Variants in MAP3K9 observed in about 807,000 individuals in gnomAD.
The protein encoded by MAP3K9 is mixed lineage kinase 1 (tyr and ser/thr specificity).
MAP3K9 carries 46 observed loss-of-function variants against 95.8 expected under a neutral mutation model. The observed-to-expected ratio is 0.48, with a 90% CI of 0.38 to 0.61. The LOEUF (loss-of-function observed/expected upper bound fraction) is 0.61. MAP3K9 is among the 20% of genes least tolerant of loss of function. The probability of loss-of-function intolerance (pLI) is 0.00; values close to 1 mark genes in which losing one functional copy is unlikely to be tolerated. For missense variants in MAP3K9, 1,296 were observed against 1,474.3 expected (o/e 0.88, Z 1.98); for synonymous variants, 533 against 593.8 (o/e 0.90, Z 1.49).
chr14:70,807,943 A>G (rs2055008404), intron 1 of MAP3K9, among the ~76,000 whole-genome samples: 1 of 152,212 alleles, frequency 6.6e-6, no homozygotes, highest in Non-Finnish European at 1.5e-5. Flanking sequence ...TCCCCCTGAG[A>G]TTTGACCAGT....
intron 2 of MAP3K9, chr14:70,765,496 A>C (rs180983567): frequency 1.5e-6 from 1 of 685,590 alleles, no homozygotes; most frequent in Non-Finnish European, 2.6e-6. Flanking sequence ...TTCTGTAAAG[A>C]AGTACCATTT....
chr14:70,740,483 T>C (rs1047063461), intron 6 of MAP3K9, among the ~76,000 whole-genome samples: 1 of 152,236 alleles, frequency 6.6e-6, no homozygotes, highest in African/African-American at 2.4e-5. Flanking sequence ...TGTTGTTGAT[T>C]ATTCTAGGAA....
chr14:70,758,015 A>T (rs368878630), intron 3 of MAP3K9, among the ~76,000 whole-genome samples: 53 of 152,308 alleles, frequency 3.5e-4, no homozygotes, highest in African/African-American at 1.3e-3. Context: ...TAGATATGAC[A>T]CCAAAAGCAC....
At chr14:70,750,363 C>T (rs2139755182) in intron 3 of MAP3K9, among the ~76,000 whole-genome samples, 1 of 152,360 alleles carries the variant, frequency 6.6e-6, no homozygotes, top group Non-Finnish European at 1.5e-5. Context: ...AATTCCTCAT[C>T]TGTAATGCAC....
In MAP3K9 at chr14:70,733,148, G is replaced by A. The variant is rs145221753; in HGVS notation, c.2221C>T (p.Arg741Trp). ...CAGCGGCGGTGGTGGGCACCGCCCC[G>A]CTTGAGGCTGTTGGTTGGCGTCAGC... ...PQLTPTNSLK[R>W]GGAHHRRCEV... The change falls in exon 11 of 12, where the codon CGG (arginine) becomes TGG (tryptophan). Residue 741 changes from arginine (R) to tryptophan (W), a missense_variant. By Grantham distance (101) the Arg-to-Trp change is moderately radical. Transcript: ENST00000554752. 159 of 1,612,894 alleles carry A rather than the reference G, an allele frequency of 9.9e-5. No individual in the cohort carries two copies. The highest frequency in any genetic ancestry group is 3.6e-4 in the African/African-American group (27 of 75,006).
intron 5 of MAP3K9, among the ~76,000 whole-genome samples, chr14:70,746,458 A>T (rs936079470): frequency 1.3e-5 from 2 of 152,230 alleles, no homozygotes; most frequent in East Asian, 3.8e-4. Flanking sequence ...GTTAAGAAGA[A>T]TCTCTCCAGA....
At chr14:70,778,145 C>G (rs1198838733) in intron 2 of MAP3K9, among the ~76,000 whole-genome samples, 1 of 152,016 alleles carries the variant, frequency 6.6e-6, no homozygotes, top group Admixed American at 6.6e-5. Context: ...CTCTGTCACC[C>G]AGGCTGGAGT....
chr14:70,767,743 CA>C (rs1368203718), intron 2 of MAP3K9, among the ~76,000 whole-genome samples: 1 of 152,200 alleles, frequency 6.6e-6, no homozygotes, highest in East Asian at 1.9e-4. Context: ...GAATGGAGTG[CA>C]GTGGCACAAT....
chr14:70,807,091 A>G (rs1356949530), intron 1 of MAP3K9, among the ~76,000 whole-genome samples: 1 of 152,220 alleles, frequency 6.6e-6, no homozygotes, highest in African/African-American at 2.4e-5. Flanking sequence ...GGGGGAACCT[A>G]AAGATTTGAA....
At chr14:70,764,038 T>G in intron 2 of MAP3K9, among the ~76,000 whole-genome samples, 1 of 144,854 alleles carries the variant, frequency 6.9e-6, no homozygotes, top group African/African-American at 2.6e-5. Flanking sequence ...ACAAAAAAAT[T>G]AGCTGGGCGC....
chr14:70,730,932 TC>T (rs997957975), intron 11 of MAP3K9, 68 bp from the exon 12 acceptor site: 287 of 1,475,130 alleles, frequency 1.9e-4, no homozygotes, highest in Admixed American at 2.6e-4. Flanking sequence ...TATCCGCTAC[TC>T]CCCCCCAACA....
chr14:70,736,319 T>C (rs1489300044), intron 8 of MAP3K9, among the ~76,000 whole-genome samples: 1 of 152,190 alleles, frequency 6.6e-6, no homozygotes, highest in Non-Finnish European at 1.5e-5. Flanking sequence ...GACAAATATG[T>C]ATTATTTTTT....
rs1228061889 is a variant in MAP3K9, at chr14:70,800,716, A to G, written c.771T>C (p.His257=). The change falls in exon 2 of 12, where the codon CAT becomes CAC. Residue 257 remains histidine, a synonymous_variant. Coordinates refer to ENST00000554752, the MANE Select transcript of MAP3K9 (RefSeq NM_001284230.2). ...VQIARGMNYL[H]DEAIVPIIHR... ...GGATGATGGGAACAATTGCCTCATC[A>G]TGTAAGTAGTTCATCCCTCTGGCAA... 7.4e-6 allele frequency: 12 copies of G among 1,614,104 alleles called. No homozygotes were observed. The highest frequency in any genetic ancestry group is 1.7e-4 in the Middle Eastern group (1 of 6,052).
At chr14:70,775,237 A>T (rs1180734301) in intron 2 of MAP3K9, among the ~76,000 whole-genome samples, 1 of 152,098 alleles carries the variant, frequency 6.6e-6, no homozygotes, top group East Asian at 1.9e-4. Flanking sequence ...GACACTTCAC[A>T]TCCACATTAC....
Position 70,800,964 on chromosome 14 carries a change from G to A in MAP3K9, c.523C>T (p.His175Tyr), listed in dbSNP as rs1343579550. 5.0e-6 allele frequency: 8 copies of A among 1,614,012 alleles called. No individual in the cohort carries two copies. The highest frequency in any genetic ancestry group is 5.9e-6 in the Non-Finnish European group (7 of 1,180,024). ...GDEVAVKAAR[H>Y]DPDEDISQTI... ...TGGCTGATGTCCTCATCAGGGTCGT[G>A]GCGAGCTGCTTTCACAGCAACCTCA... Residue 175 changes from histidine (H) to tyrosine (Y), a missense_variant, in exon 2 of 12, where the codon CAC (histidine) becomes TAC (tyrosine). Physicochemically the swap from His to Tyr is moderately conservative, Grantham distance 83 (BLOSUM62 2). Around this residue, in one of 5 missense-constraint regions of MAP3K9, gnomAD observed 338 missense variants for 363.4 expected, o/e 0.93. Transcript: ENST00000554752.
rs1310678264 is a variant in MAP3K9, at chr14:70,742,412, C to T, written c.1506G>A (p.Lys502=). 6.2e-7 allele frequency: 1 copy of T among 1,614,086 alleles called. No individual in the cohort carries two copies. The highest frequency in any genetic ancestry group is 1.3e-5 in the African/African-American group (1 of 74,918). ...TCAGCCGGCTCTTCCTGAACTTGCC[C>T]TTGCGTTTCTTCACCCGGGGCTTCT... ...CQEKPRVKKR[K]GKFRKSRLKL... The change falls in exon 6 of 12, where the codon AAG becomes AAA. Residue 502 remains lysine (K), a synonymous_variant. Transcript: ENST00000554752.
intron 2 of MAP3K9, 107 bp from the exon 3 acceptor site, chr14:70,761,289 G>T: frequency 2.4e-6 from 2 of 834,324 alleles, no homozygotes; most frequent in South Asian, 1.8e-5. Flanking sequence ...GTGGGCTCCA[G>T]CATTTAGCTG....
chr14:70,778,960 G>A (rs2054637284), intron 2 of MAP3K9, among the ~76,000 whole-genome samples: 2 of 152,188 alleles, frequency 1.3e-5, no homozygotes, highest in African/African-American at 2.4e-5. Flanking sequence ...CTTAGAAGGG[G>A]CTCACAGAAT....
chr14:70,791,671 C>T (rs1426928573), intron 2 of MAP3K9, among the ~76,000 whole-genome samples: 1 of 152,234 alleles, frequency 6.6e-6, no homozygotes, highest in Non-Finnish European at 1.5e-5. Flanking sequence ...TCTTGCCTCT[C>T]TCAGATCACG....
Sources: gnomAD v4.1 joint callset for allele counts (sites outside exome capture counted in the v4.1 genomes callset) on GRCh38, gnomAD v4.1.1 for gene constraint, gnomAD v4.1.1 regional missense constraint, MANE v1.5 for transcripts, NCBI Gene and HGNC (gene_info 2026-07-23, HGNC 2026-07-21) for gene names.